SLC22A11: variants seen among roughly 807,000 people sequenced by gnomAD.
SLC22A11 encodes the protein solute carrier family 22 member 11.
Under a neutral mutation model 49.4 loss-of-function variants are expected in SLC22A11, and 42 were observed. That is an observed-to-expected ratio of 0.85 (90% confidence interval 0.66 to 1.10). The LOEUF is 1.10. Among genes scored for constraint, SLC22A11 ranks in the 50% least tolerant of loss-of-function variants. The pLI is 0.00. For missense variants in SLC22A11, 685 were observed against 731.6 expected, an observed-to-expected ratio of 0.94 and a Z score of 0.74; for synonymous variants, 304 against 315.8, an observed-to-expected ratio of 0.96 and a Z score of 0.40.
Position 64,571,004 on chromosome 11 carries a change from C to T in SLC22A11, c.1615C>T (p.Arg539Trp), listed in dbSNP as rs557911790. ...GAAATCAACAGCAGCCCAGGGCAAC[C>T]GGCAAGAGGCCGTCACTGTGGAAAG... ...SQKSTAAQGN[R>W]QEAVTVESTS... Residue 539 changes from arginine (R) to tryptophan (W), a missense_variant, in exon 10 of 10, where the codon CGG (arginine) becomes TGG (tryptophan). Coordinates refer to ENST00000301891, the MANE Select transcript of SLC22A11 (RefSeq NM_018484.4). 242 of 1,614,222 alleles carry T rather than the reference C, an allele frequency of 1.5e-4. 2 individuals carry two copies. In the Admixed American group the frequency reaches 3.7e-3, roughly 25 times the overall value.
Position 64,564,331 on chromosome 11 carries a change from G to A in SLC22A11, c.845G>A (p.Trp282Ter). 1 of 1,614,098 alleles carries A rather than the reference G, an allele frequency of 6.2e-7. No individual in the cohort carries two copies. Among genetic ancestry groups the A allele is most frequent in the Non-Finnish European group, 8.5e-7 (1 of 1,180,028 alleles). Residue 282 changes from tryptophan to a stop codon, truncating the protein, a stop_gained, in exon 5 of 10, where the codon TGG becomes TAG. Coordinates refer to ENST00000301891, the MANE Select transcript of SLC22A11 (RefSeq NM_018484.4). LOFTEE classifies it high-confidence loss of function. The surrounding 1 kb of genome is among the most constrained non-coding windows in gnomAD (Gnocchi z 4.2). ...AGGTGGCTGCCAGAATCCGCCCGGTGGCTGATTATTAAGGGCAAACCAGAC... is the reference window on the plus strand; with the variant it reads ...AGGTGGCTGCCAGAATCCGCCCGGTAGCTGATTATTAAGGGCAAACCAGAC... ...ISWWLPESAR[W>*]LIIKGKPDQA...
rs756192197 is a variant in SLC22A11, at chr11:64,568,771, C to G, written c.1375C>G (p.Pro459Ala). ...TIYKAELFPT[P>A]VRMTADGILH... The stretch of plus-strand genomic sequence containing the variant: ...CTACAAGGCTGAACTCTTTCCAACG[C>G]CAGTGCGGTAAGCTGGGCTGCAGGC... Residue 459 changes from proline (P) to alanine (A), a missense_variant, in exon 8 of 10, where the codon CCA (proline) becomes GCA (alanine). Pro to Ala is a conservative substitution (Grantham distance 27). Transcript: ENST00000301891. The G allele has an allele frequency of 4.3e-6, 7 of 1,613,556 alleles. No individual in the cohort carries two copies. The highest frequency in any genetic ancestry group is 5.1e-6 in the Non-Finnish European group (6 of 1,179,582).
In SLC22A11 at chr11:64,564,638, C is replaced by A. The variant is rs540597963; in HGVS notation, c.942+210C>A. On this transcript the variant is annotated intron_variant, in intron 5 of 9. Transcript: ENST00000301891. This position sits in a 1 kb window ranked among gnomAD's most constrained non-coding sequence, Gnocchi z 4.2. ...AATCCCGATACCATCACCAACAGCA[C>A]CACCACTGTCCACACCCACCATCAC... 2.6e-5 allele frequency among the ~76,000 whole-genome samples: 4 copies of A among 152,070 alleles called. No homozygotes were observed. The East Asian group carries it at 7.7e-4, about 29-fold the overall frequency.
At chr11:64,563,713 A>C (rs2038583364) in intron 4 of SLC22A11, among the ~76,000 whole-genome samples, 1 of 150,286 alleles carries the variant, frequency 6.7e-6, no homozygotes, top group South Asian at 2.1e-4. Context: ...AGGTCAGAAG[A>C]TCAAGACCAT....
Position 64,571,449 on chromosome 11 carries a change from C to A in SLC22A11, c.*407C>A. Reference sequence around the variant, plus strand: ...GTGAAATGAGAATGATCACGTGACCCACCCCCCAGGGCAGGTATCAGGGTG... The same window carrying A: ...GTGAAATGAGAATGATCACGTGACCAACCCCCCAGGGCAGGTATCAGGGTG... On this transcript the variant is annotated 3_prime_UTR_variant, in exon 10 of 10. Transcript: ENST00000301891. 1 of 189,902 alleles carries A rather than the reference C, an allele frequency of 5.3e-6. No homozygotes were observed. The highest frequency in any genetic ancestry group is 5.6e-5 in the Admixed American group (1 of 17,864). The allele number at this position is 189,902 out of a possible 1,614,324, so 11.8% of individuals were successfully genotyped here. A position where few individuals can be genotyped will look rare whatever the true frequency, so the allele number is the denominator to read the frequency against.
intron 4 of SLC22A11, among the ~76,000 whole-genome samples, chr11:64,563,417 C>T (rs2038577382): frequency 6.6e-6 from 1 of 152,050 alleles, no homozygotes; most frequent in Admixed American, 6.5e-5. Flanking sequence ...TAACTCTTCA[C>T]CACTACGTCA....
At position 64,567,722 on chromosome 11, in the gene SLC22A11, C is replaced by T; in HGVS notation, c.1182C>T (p.Leu394=). Reference sequence around the variant, plus strand: ...TCCTGGGCCGGGCCACCACTGCCCTCTTGCTCAGTTTCCTTGGCCGCCGCA... The same window carrying T: ...TCCTGGGCCGGGCCACCACTGCCCTTTTGCTCAGTTTCCTTGGCCGCCGCA... ...VDFLGRATTA[L]LLSFLGRRTI... The change falls in exon 7 of 10, where the codon CTC becomes CTT. Residue 394 remains leucine (L), a synonymous_variant. Transcript: ENST00000301891. 1 of 1,613,786 alleles carries T rather than the reference C, an allele frequency of 6.2e-7. No homozygotes were observed. Among genetic ancestry groups the T allele is most frequent in the Non-Finnish European group, 8.5e-7 (1 of 1,180,030 alleles).
chr11:64,561,602 AATTTATTTATTT>A (rs35789932), intron 2 of SLC22A11, among the ~76,000 whole-genome samples: 6,883 of 144,894 alleles, frequency 0.048, 171 homozygotes, highest in Middle Eastern at 0.17. Flanking sequence ...ACACCTGGCT[AATTTATTTATTT>A]ATTTATTTAT....
At position 64,565,353 on chromosome 11, in the gene SLC22A11, G is replaced by A; in HGVS notation, c.1058+16G>A. ...TGGTGGTGAAGTACGCCGTCCTGGT[G>A]TCCCTCCCCAAGGCAGGGCTGGGAC... On this transcript the variant is annotated intron_variant, in intron 6 of 9. Transcript: ENST00000301891. The surrounding 1 kb of genome is among the most constrained non-coding windows in gnomAD (Gnocchi z 4.1). The A allele has an allele frequency of 1.9e-6, 3 of 1,542,880 alleles. No individual in the cohort carries two copies. Among genetic ancestry groups the A allele is most frequent in the Non-Finnish European group, 2.6e-6 (3 of 1,143,562 alleles).
At chr11:64,568,092 G>A (rs2038653042) in intron 7 of SLC22A11, among the ~76,000 whole-genome samples, 2 of 152,256 alleles carry the variant, frequency 1.3e-5, no homozygotes, top group African/African-American at 2.4e-5. Flanking sequence ...AGGCCTGAGC[G>A]GGGACGGAGG....
chr11:64,562,025 G>A lies in SLC22A11; in HGVS notation c.519G>A (p.Leu173=). The change falls in exon 3 of 10, where the codon CTG becomes CTA. Residue 173 remains leucine, a synonymous_variant. Transcript: ENST00000301891. The surrounding 1 kb of genome is among the most constrained non-coding windows in gnomAD (Gnocchi z 4.4). ...ACAGGTTTGGGAGGAAGCCGATGCT[G>A]AGCTGGTGCTGCCTGCAGTTGGCCG... is the stretch of plus-strand genomic sequence containing the variant. ...LSYRFGRKPM[L]SWCCLQLAVA... The A allele has an allele frequency of 1.9e-6, 3 of 1,613,468 alleles. No individual in the cohort carries two copies. The highest frequency in any genetic ancestry group is 2.5e-6 in the Non-Finnish European group (3 of 1,179,904).
At chr11:64,558,903 A>G (rs1237859426) in intron 1 of SLC22A11, among the ~76,000 whole-genome samples, 1 of 152,020 alleles carries the variant, frequency 6.6e-6, no homozygotes, top group East Asian at 1.9e-4. Flanking sequence ...GGGCCACTGG[A>G]CCCCGTGGAG....
chr11:64,564,406 AG>A lies in SLC22A11; in HGVS notation c.922del (p.Ala308ProfsTer4). 6.2e-6 allele frequency: 10 copies of A among 1,614,146 alleles called. No individual in the cohort carries two copies. Among genetic ancestry groups the A allele is most frequent in the Non-Finnish European group, 8.5e-6 (10 of 1,179,998 alleles). On this transcript the variant is annotated frameshift_variant, in exon 5 of 10. Transcript: ENST00000301891. LOFTEE classifies it high-confidence loss of function. This position sits in a 1 kb window ranked among gnomAD's most constrained non-coding sequence, Gnocchi z 4.2. ...RKVARINGHKEAKNLTIEVLM... is the reference protein window; with the variant it reads ...RKVARINGHKXAKNLTIEVLM... ...GTGGCCAGGATAAATGGCCACAAGG[AG>A]GCCAAGAACCTGACCATAGAGGTGA... is the stretch of plus-strand genomic sequence containing the variant.
intron 2 of SLC22A11, among the ~76,000 whole-genome samples, chr11:64,559,904 G>A (rs1322168656): frequency 6.6e-6 from 1 of 152,166 alleles, no homozygotes; most frequent in Non-Finnish European, 1.5e-5. Context: ...TGCTGGCGGG[G>A]AGAAGCGTTC....
At chr11:64,567,944 C>T in intron 7 of SLC22A11, 131 bp downstream of exon 7, 1 of 945,354 alleles carries the variant, frequency 1.1e-6, no homozygotes. Flanking sequence ...ATGAGGGAGG[C>T]TATGAGGACC....
Position 64,565,065 on chromosome 11 carries a change from C to T in SLC22A11, c.943-157C>T, listed in dbSNP as rs547328192. Reference sequence around the variant, plus strand: ...AGGGCCTGGAGAGAACCTTTTCTGCCCCATCCCCTCCCCTTCCCCTAGGGA... The same window carrying T: ...AGGGCCTGGAGAGAACCTTTTCTGCTCCATCCCCTCCCCTTCCCCTAGGGA... On this transcript the variant is annotated intron_variant, in intron 5 of 9. Coordinates refer to ENST00000301891, the MANE Select transcript of SLC22A11 (RefSeq NM_018484.4). This position sits in a 1 kb window ranked among gnomAD's most constrained non-coding sequence, Gnocchi z 4.1. Among the ~76,000 whole-genome samples, 5 of 152,288 alleles carry T rather than the reference C, an allele frequency of 3.3e-5. No homozygotes were observed. In the East Asian group the frequency reaches 9.6e-4, roughly 29 times the overall value.
At chr11:64,557,790 C>A (rs1476511706) in intron 1 of SLC22A11, among the ~76,000 whole-genome samples, 2 of 144,532 alleles carry the variant, frequency 1.4e-5, no homozygotes, top group African/African-American at 2.5e-5. Context: ...TACCACCATG[C>A]CCAGCTAATT....
In SLC22A11 at chr11:64,562,325, C is replaced by T; in HGVS notation, c.711C>T (p.Ala237=). 1 of 1,611,474 alleles carries T rather than the reference C, an allele frequency of 6.2e-7. No individual in the cohort carries two copies. Among genetic ancestry groups the T allele is most frequent in the Non-Finnish European group, 8.5e-7 (1 of 1,178,822 alleles). ...RAVTMTVVGC[A]FSAGQAALGG... Reference sequence around the variant, plus strand: ...TCACCATGACGGTGGTGGGATGTGCCTTCAGCGCAGGCCAGGCGGCGCTGG... The same window carrying T: ...TCACCATGACGGTGGTGGGATGTGCTTTCAGCGCAGGCCAGGCGGCGCTGG... The change falls in exon 4 of 10, where the codon GCC becomes GCT. Residue 237 remains alanine (A), a synonymous_variant. Transcript: ENST00000301891. This position sits in a 1 kb window ranked among gnomAD's most constrained non-coding sequence, Gnocchi z 4.4.
intron 9 of SLC22A11, 107 bp downstream of exon 9, chr11:64,569,965 G>A: frequency 3.1e-6 from 3 of 974,852 alleles, no homozygotes; most frequent in Non-Finnish European, 4.6e-6. Flanking sequence ...CAAGGCCTGT[G>A]TTTCTGAAAC....
Sources: allele counts gnomAD v4.1 joint callset (sites outside exome capture counted in the v4.1 genomes callset), GRCh38; gene constraint gnomAD v4.1.1; non-coding constraint Gnocchi (gnomAD v3.1); transcripts MANE v1.5; gene names NCBI Gene and HGNC (gene_info 2026-07-23, HGNC 2026-07-21).